The following ANXA8 variants were observed in gnomAD, a reference collection of about 807,000 sequenced individuals.
ANXA8 encodes VAC-beta.
In ANXA8, 9 loss-of-function variants were observed where a neutral mutation model predicts 26.8. The observed-to-expected ratio is 0.34, with a 90% CI of 0.20 to 0.59. The LOEUF is 0.59. ANXA8 is among the 20% of genes least tolerant of loss of function. The pLI, the probability that ANXA8 is intolerant of heterozygous loss-of-function variation, is 0.84. For missense variants in ANXA8, 83 were observed against 238.5 expected (o/e 0.35, Z 4.29); for synonymous variants, 39 against 94.8 (o/e 0.41, Z 3.42).
chr10:47,957,074 C>T, the ANXA8 span, among the ~76,000 whole-genome samples: 1 of 150,372 alleles, frequency 6.7e-6, no homozygotes, highest in East Asian at 2.0e-4. Context: ...GCTGCAGATT[C>T]ATTGATTTTC....
chr10:47,900,822 G>T, the ANXA8 span, among the ~76,000 whole-genome samples: 1 of 149,532 alleles, frequency 6.7e-6, no homozygotes, highest in African/African-American at 2.5e-5. Flanking sequence ...ATATGTCCAA[G>T]ATTGTGAGTA....
upstream of ANXA8, among the ~76,000 whole-genome samples, chr10:47,486,978 A>G (rs1289814673): frequency 8.0e-5 from 12 of 150,332 alleles, no homozygotes; most frequent in Non-Finnish European, 1.8e-4. Context: ...ATCTCAAAAC[A>G]AAAACAAAAA....
chr10:47,672,863 C>T, the ANXA8 span, among the ~76,000 whole-genome samples: 1 of 151,604 alleles, frequency 6.6e-6, no homozygotes, highest in Admixed American at 6.6e-5. Flanking sequence ...AACTGAAAAC[C>T]TATAAAAGCA....
chr10:47,501,417 G>C, the ANXA8 span, among the ~76,000 whole-genome samples: 4 of 141,266 alleles, frequency 2.8e-5, 1 homozygote, highest in African/African-American at 1.0e-4. Flanking sequence ...TAAATTAAGA[G>C]AGGTGCCATG....
chr10:47,901,214 T>A, the ANXA8 span, among the ~76,000 whole-genome samples: 2 of 112,498 alleles, frequency 1.8e-5, no homozygotes, highest in Middle Eastern at 3.9e-3. Context: ...ACAGCAGAAG[T>A]TGAACTTCTG....
At chr10:47,488,870 G>A (rs1840094538), upstream of ANXA8, among the ~76,000 whole-genome samples, 1 of 146,574 alleles carries the variant, frequency 6.8e-6, no homozygotes, top group Admixed American at 6.9e-5. Flanking sequence ...TAGGACTACA[G>A]GTGCCCGCCA....
At chr10:47,622,010 A>G in the ANXA8 span, among the ~76,000 whole-genome samples, 10 of 110,198 alleles carry the variant, frequency 9.1e-5, 2 homozygotes, top group South Asian at 8.8e-4. Context: ...TCTGTCCCTC[A>G]TTATCATTCT....
chr10:47,673,968 T>C, the ANXA8 span, among the ~76,000 whole-genome samples: 8 of 151,042 alleles, frequency 5.3e-5, no homozygotes, highest in Non-Finnish European at 7.4e-5. Flanking sequence ...GGCATTTTCT[T>C]AGACTTGAGC....
At chr10:47,694,855 A>C in the ANXA8 span, among the ~76,000 whole-genome samples, 1 of 151,154 alleles carries the variant, frequency 6.6e-6, no homozygotes, top group Admixed American at 6.6e-5. Context: ...GAGACTACTG[A>C]CTAGAATTAG....
At chr10:47,746,753 G>A in the ANXA8 span, among the ~76,000 whole-genome samples, 1 of 125,288 alleles carries the variant, frequency 8.0e-6, no homozygotes, top group Non-Finnish European at 1.7e-5. Flanking sequence ...AGAAATGAGT[G>A]CTTATTTAAG....
the ANXA8 span, among the ~76,000 whole-genome samples, chr10:47,977,334 G>T: frequency 6.3e-4 from 95 of 150,318 alleles, 3 homozygotes; most frequent in East Asian, 0.014. Context: ...TGTGAAGAGG[G>T]GTGAGGTCTG....
At chr10:47,609,536 G>A in the ANXA8 span, among the ~76,000 whole-genome samples, 1 of 59,780 alleles carries the variant, frequency 1.7e-5, no homozygotes, top group South Asian at 6.0e-4. Context: ...TTGCTTTAAG[G>A]AGAGGAGTGA....
chr10:47,733,219 T>TTTCTTTC, the ANXA8 span, among the ~76,000 whole-genome samples: 20 of 68,076 alleles, frequency 2.9e-4, no homozygotes, highest in African/African-American at 9.6e-4. Flanking sequence ...CTTTCTTTCT[T>TTTCTTTC]TCTCTTTCTT....
the ANXA8 span, among the ~76,000 whole-genome samples, chr10:47,497,496 G>A: frequency 1.4e-5 from 2 of 147,422 alleles, no homozygotes; most frequent in Non-Finnish European, 1.5e-5. Flanking sequence ...GTGCATGCCT[G>A]TAATCCCAGC....
At chr10:47,559,328 A>G in the ANXA8 span, among the ~76,000 whole-genome samples, 5 of 151,112 alleles carry the variant, frequency 3.3e-5, no homozygotes. Context: ...GGGTTTCACC[A>G]TGTTGGCCAA....
the ANXA8 span, among the ~76,000 whole-genome samples, chr10:47,761,100 A>ACG: frequency 4.2e-4 from 30 of 71,226 alleles, 1 homozygote; most frequent in East Asian, 2.3e-3. Context: ...ACACACACAC[A>ACG]CGCACACACA....
the ANXA8 span, among the ~76,000 whole-genome samples, chr10:47,558,636 T>C: frequency 6.6e-6 from 1 of 151,406 alleles, no homozygotes; most frequent in Non-Finnish European, 1.5e-5. Flanking sequence ...TTCTCCTGCC[T>C]CAGCCTCCCA....
At chr10:47,696,377 A>G in the ANXA8 span, 1 of 1,142,870 alleles carries the variant, frequency 8.7e-7, no homozygotes, top group South Asian at 1.5e-5. Flanking sequence ...TTATGGCATG[A>G]TCAGAATGTT....
the ANXA8 span, among the ~76,000 whole-genome samples, chr10:47,636,468 C>G: frequency 6.9e-6 from 1 of 145,080 alleles, no homozygotes; most frequent in Non-Finnish European, 1.5e-5. Context: ...TCTGTTGTTT[C>G]CTAAGTGTTT....
Sources: gnomAD v4.1 joint callset for allele counts (sites outside exome capture counted in the v4.1 genomes callset) on GRCh38, gnomAD v4.1.1 for gene constraint, MANE v1.5 for transcripts, NCBI Gene and HGNC (gene_info 2026-07-23, HGNC 2026-07-21) for gene names.